Variants in ADGRL2 observed in about 807,000 individuals in gnomAD.
ADGRL2 encodes adhesion G protein-coupled receptor L2, also known as calcium-independent alpha-latrotoxin receptor 2.
A neutral mutation model predicts 157.4 loss-of-function variants in ADGRL2; 44 were observed. The ratio of observed to expected loss-of-function variants is 0.28; its 90% CI spans 0.22 to 0.36. The LOEUF is 0.36. Ranked by LOEUF, ADGRL2 falls within the 10% of genes least tolerant of loss-of-function variation. The pLI, the probability that ADGRL2 is intolerant of heterozygous loss-of-function variation, is 1.00. For synonymous variants in ADGRL2, 585 were observed against 624.7 expected (o/e 0.94, Z 0.95); for missense variants, 1,510 against 1,768.9 (o/e 0.85, Z 2.63).
At chr1:81,974,641 G>A (rs1010773187) in intron 17 of ADGRL2, among the ~76,000 whole-genome samples, 21 of 152,080 alleles carry the variant, frequency 1.4e-4, no homozygotes, top group African/African-American at 5.1e-4. Context: ...CTGTTCTTCT[G>A]TCTTATCATA....
intron 2 of ADGRL2, among the ~76,000 whole-genome samples, chr1:81,538,064 T>A (rs17454842): frequency 0.12 from 18,771 of 152,222 alleles, 1,171 homozygotes; most frequent in South Asian, 0.14. Flanking sequence ...AAATTGTCGA[T>A]TTCATAATCA....
At chr1:81,524,684 C>A (rs1183851126) in intron 2 of ADGRL2, among the ~76,000 whole-genome samples, 1 of 151,636 alleles carries the variant, frequency 6.6e-6, no homozygotes, top group Non-Finnish European at 1.5e-5. Flanking sequence ...CAACAACAAC[C>A]AAAAAAACAA....
intron 2 of ADGRL2, among the ~76,000 whole-genome samples, chr1:81,498,593 A>C (rs546421325): frequency 3.9e-5 from 6 of 152,346 alleles, no homozygotes; most frequent in Middle Eastern, 3.4e-3. Context: ...TGTTAACTGT[A>C]TTTATGAGAA....
chr1:81,379,454 G>A (rs1439136742), intron 1 of ADGRL2, among the ~76,000 whole-genome samples: 2 of 152,174 alleles, frequency 1.3e-5, no homozygotes, highest in Non-Finnish European at 2.9e-5. Flanking sequence ...GTATCCCGGG[G>A]TTTCTTGCCT....
chr1:81,668,589 A>C (rs111571803), intron 3 of ADGRL2, among the ~76,000 whole-genome samples: 2,470 of 152,076 alleles, frequency 0.016, 66 homozygotes, highest in African/African-American at 0.055. Flanking sequence ...TTTGAGACGG[A>C]GTCTCACTCT....
At position 81,528,440 on chromosome 1, in the gene ADGRL2, G is replaced by A. The variant is rs575083512; in HGVS notation, c.-247-52436G>A. On this transcript the variant is annotated intron_variant, in intron 2 of 24. Coordinates refer to the ADGRL2 transcript ENST00000370721. ...GGCGAGTGGATTCAGGAGGTCAGGA[G>A]ATCGAGACCATCCTGGCTAACACGG... Among the ~76,000 whole-genome samples, 10 of 152,142 alleles carry A rather than the reference G, an allele frequency of 6.6e-5. No homozygotes were observed. The East Asian group carries it at 7.8e-4, about 12-fold the overall frequency.
chr1:81,593,277 T>C (rs1416687117), intron 3 of ADGRL2, among the ~76,000 whole-genome samples: 1 of 152,182 alleles, frequency 6.6e-6, no homozygotes, highest in Non-Finnish European at 1.5e-5. Flanking sequence ...TGGCGCTCAC[T>C]ATTAAATAGT....
At chr1:81,957,031 A>G (rs1344728233) in intron 11 of ADGRL2, among the ~76,000 whole-genome samples, 4 of 152,166 alleles carry the variant, frequency 2.6e-5, no homozygotes, top group African/African-American at 9.7e-5. Context: ...ATAATCTTAA[A>G]TTTATTTTAT....
chr1:81,842,118 T>C (rs1192199723), intron 2 of ADGRL2, among the ~76,000 whole-genome samples: 2 of 151,934 alleles, frequency 1.3e-5, no homozygotes, highest in Admixed American at 6.6e-5. Context: ...GTATTCTATG[T>C]GCTTAGGGGT....
intron 2 of ADGRL2, among the ~76,000 whole-genome samples, chr1:81,455,851 C>A (rs1476700624): frequency 2.6e-5 from 4 of 152,044 alleles, no homozygotes; most frequent in African/African-American, 9.7e-5. Context: ...AAGGATGAAT[C>A]AAGGATGAGG....
intron 2 of ADGRL2, among the ~76,000 whole-genome samples, chr1:81,566,121 A>C (rs191847688): frequency 6.6e-6 from 1 of 152,286 alleles, no homozygotes; most frequent in East Asian, 1.9e-4. Context: ...AAACAAACAA[A>C]ACAAGGAGTT....
intron 17 of ADGRL2, among the ~76,000 whole-genome samples, chr1:81,975,004 G>A (rs1659769545): frequency 1.3e-5 from 2 of 151,736 alleles, no homozygotes; most frequent in South Asian, 4.2e-4. Context: ...GCTGAATAAG[G>A]ATTTTTTTTT....
At chr1:81,944,495 T>G (rs1262125749) in intron 6 of ADGRL2, among the ~76,000 whole-genome samples, 4 of 152,026 alleles carry the variant, frequency 2.6e-5, no homozygotes, top group African/African-American at 4.8e-5. Context: ...GTGAGTTCAG[T>G]TTTGTGGGAA....
intron 1 of ADGRL2, among the ~76,000 whole-genome samples, chr1:81,399,665 C>A (rs1321946942): frequency 6.6e-6 from 1 of 152,072 alleles, no homozygotes; most frequent in Non-Finnish European, 1.5e-5. Flanking sequence ...TGCTACATTT[C>A]TTGTTCATAC....
At chr1:81,511,400 G>GCGCACACACA (rs1553172037) in intron 2 of ADGRL2, among the ~76,000 whole-genome samples, 25 of 127,224 alleles carry the variant, frequency 2.0e-4, no homozygotes, top group African/African-American at 7.0e-4. Flanking sequence ...AAAAAAGCGC[G>GCGCACACACA]CACACACACA....
At chr1:81,917,251 G>A (rs2094877802) in intron 3 of ADGRL2, among the ~76,000 whole-genome samples, 1 of 152,012 alleles carries the variant, frequency 6.6e-6, no homozygotes, top group South Asian at 2.1e-4. Context: ...AGCAGCAACA[G>A]CAACAACAAA....
intron 3 of ADGRL2, among the ~76,000 whole-genome samples, chr1:81,628,993 G>A (rs1386468005): frequency 1.3e-5 from 2 of 152,118 alleles, no homozygotes; most frequent in African/African-American, 4.8e-5. Context: ...TTATTCCTAA[G>A]TCTCATTAGA....
intron 1 of ADGRL2, among the ~76,000 whole-genome samples, chr1:81,337,962 A>G (rs941000058): frequency 6.6e-6 from 1 of 152,038 alleles, no homozygotes; most frequent in Non-Finnish European, 1.5e-5. Context: ...TTCAATTCCC[A>G]TTTTTTCCAA....
chr1:81,576,792 G>A (rs1179673613), intron 2 of ADGRL2, among the ~76,000 whole-genome samples: 1 of 152,090 alleles, frequency 6.6e-6, no homozygotes, highest in Non-Finnish European at 1.5e-5. Context: ...GTATGTATAT[G>A]TGTATGAATT....
Sources: allele counts gnomAD v4.1 joint callset (sites outside exome capture counted in the v4.1 genomes callset), GRCh38; gene constraint gnomAD v4.1.1; transcripts MANE v1.5; gene names NCBI Gene and HGNC (gene_info 2026-07-23, HGNC 2026-07-21).